The following SLC25A18 variants were observed in gnomAD, a reference collection of about 807,000 sequenced individuals.
SLC25A18 encodes the protein mitochondrial glutamate carrier 2.
In SLC25A18, 24 loss-of-function variants were observed where a neutral mutation model predicts 31.1. That is an observed-to-expected ratio of 0.77 (90% CI 0.56 to 1.08). The LOEUF is 1.08. SLC25A18 is among the 50% of genes least tolerant of loss of function. The probability of loss-of-function intolerance (pLI) is 0.00; values close to 1 mark genes in which losing one functional copy is unlikely to be tolerated. For synonymous variants in SLC25A18, 173 were observed against 161.9 expected (o/e 1.07, Z -0.52); for missense variants, 371 against 418.5 (o/e 0.89, Z 0.99).
At chr22:17,572,597 C>T (rs1014289035) in intron 2 of SLC25A18, among the ~76,000 whole-genome samples, 2 of 151,726 alleles carry the variant, frequency 1.3e-5, no homozygotes, top group Non-Finnish European at 2.9e-5. Context: ...CATTCATGAC[C>T]AGCCTTAGCA....
rs1426176295 is a variant in SLC25A18, at chr22:17,579,939, T to C, written c.-6T>C. 6.2e-7 allele frequency: 1 copy of C among 1,610,444 alleles called. No homozygotes were observed. ...CTTGTGTCCTGGGATCCCCAGCCCC[T>C]GCAGAATGACCCACCAGGATCTGAG... On this transcript the variant is annotated 5_prime_UTR_variant, in exon 3 of 11. Coordinates refer to ENST00000327451, the MANE Select transcript of SLC25A18 (RefSeq NM_031481.3).
At chr22:17,585,650 A>ATTTTTT (rs143835144) in intron 7 of SLC25A18, among the ~76,000 whole-genome samples, 3 of 137,222 alleles carry the variant, frequency 2.2e-5, no homozygotes, top group African/African-American at 8.4e-5. Context: ...TATTATTATT[A>ATTTTTT]TTTTTTTTTT....
chr22:17,580,074 G>A (rs1032424371), intron 3 of SLC25A18, 110 bp downstream of exon 3: 1 of 1,037,924 alleles, frequency 9.6e-7, no homozygotes, highest in South Asian at 1.4e-5. Flanking sequence ...CTAGGGAAGA[G>A]CAAGACCCCT....
At chr22:17,579,198 C>A (rs1212686374) in intron 2 of SLC25A18, among the ~76,000 whole-genome samples, 1 of 152,062 alleles carries the variant, frequency 6.6e-6, no homozygotes, top group Admixed American at 6.6e-5. Context: ...CAAGCAATCT[C>A]CTACCTCAGC....
Position 17,587,738 on chromosome 22 carries a change from C to G in SLC25A18, c.576-187C>G, listed in dbSNP as rs190484938. 3,090 of 669,172 alleles carry G rather than the reference C, an allele frequency of 4.6e-3. 20 individuals carry two copies. Among genetic ancestry groups the G allele is most frequent in the Non-Finnish European group, 6.8e-3 (2,709 of 400,802 alleles). 41.5% of individuals were successfully genotyped at this position (669,172 alleles called of 1,614,324 possible). A position where few individuals can be genotyped will look rare whatever the true frequency, so the allele number is the denominator to read the frequency against. On this transcript the variant is annotated intron_variant, in intron 8 of 10. Transcript: ENST00000327451. Reference sequence around the variant, plus strand: ...AGAGGAAGGAGCTGGGACGGCGGAACAGATGGCAACAGCTCTTTTGTCCCC... The same window carrying G: ...AGAGGAAGGAGCTGGGACGGCGGAAGAGATGGCAACAGCTCTTTTGTCCCC...
At chr22:17,576,548 G>T (rs988617831) in intron 2 of SLC25A18, among the ~76,000 whole-genome samples, 1 of 152,098 alleles carries the variant, frequency 6.6e-6, no homozygotes, top group African/African-American at 2.4e-5. Context: ...GTTGCCTTGG[G>T]GGGCAGTTAT....
At chr22:17,586,985 A>T in intron 7 of SLC25A18, 151 bp from the exon 8 acceptor site, 1 of 894,164 alleles carries the variant, frequency 1.1e-6, no homozygotes, top group Non-Finnish European at 1.7e-6. Flanking sequence ...AAAAATTAAC[A>T]TTCTAAAATT....
intron 2 of SLC25A18, among the ~76,000 whole-genome samples, chr22:17,574,032 CCAGTCTGGG>C (rs1339974584): frequency 2.6e-5 from 4 of 152,198 alleles, no homozygotes; most frequent in Non-Finnish European, 5.9e-5. Flanking sequence ...GAGTTCAAGA[CCAGTCTGGG>C]CAACATGGCA....
At chr22:17,577,727 C>T (rs2057268555) in intron 2 of SLC25A18, among the ~76,000 whole-genome samples, 1 of 149,824 alleles carries the variant, frequency 6.7e-6, no homozygotes, top group African/African-American at 2.5e-5. Flanking sequence ...ACTACATGCG[C>T]ACACCACCAT....
chr22:17,581,179 C>T lies in SLC25A18; in HGVS notation c.143+20C>T, dbSNP rs750150655. 2.0e-5 allele frequency: 31 copies of T among 1,581,968 alleles called. No individual in the cohort carries two copies. The highest frequency in any genetic ancestry group is 1.2e-4 in the Admixed American group (7 of 56,568). ...AGGAATGTAGGTGCTGGCAGGCGAGCGTGGAGGGCAGAGGCGCCCGGGGGA... is the reference window on the plus strand; with the variant it reads ...AGGAATGTAGGTGCTGGCAGGCGAGTGTGGAGGGCAGAGGCGCCCGGGGGA... On this transcript the variant is annotated intron_variant, in intron 4 of 10. Transcript: ENST00000327451.
intron 2 of SLC25A18, among the ~76,000 whole-genome samples, chr22:17,577,403 C>A (rs531155520): frequency 1.8e-4 from 27 of 152,014 alleles, no homozygotes; most frequent in Admixed American, 6.6e-4. Flanking sequence ...GGTGATCCGC[C>A]CGCCTCAGCC....
chr22:17,574,522 T>TTC (rs1555946929), intron 2 of SLC25A18, among the ~76,000 whole-genome samples: 4 of 133,092 alleles, frequency 3.0e-5, no homozygotes, highest in African/African-American at 1.2e-4. Flanking sequence ...TTTTTTTTTT[T>TTC]ATTTTTTTTT....
intron 3 of SLC25A18, chr22:17,580,729 G>T (rs1012645498): frequency 2.7e-6 from 3 of 1,131,036 alleles, no homozygotes; most frequent in Admixed American, 4.7e-5. Context: ...CAGAGGACGG[G>T]CCGGGGAAGC....
chr22:17,580,846 T>C, intron 3 of SLC25A18, 191 bp from the exon 4 acceptor site: 1 of 1,318,086 alleles, frequency 7.6e-7, no homozygotes, highest in Non-Finnish European at 9.6e-7. Flanking sequence ...TGCAGCAAGA[T>C]GCCTCACCCG....
rs1049427326 is a variant in SLC25A18, at chr22:17,563,686, C to T, written c.-291C>T. The T allele has an allele frequency of 4.1e-6, 4 of 985,218 alleles. No individual in the cohort carries two copies. Among genetic ancestry groups the T allele is most frequent in the African/African-American group, 1.7e-5 (1 of 57,198 alleles). 61.0% of individuals were successfully genotyped at this position (985,218 alleles called of 1,614,324 possible). A position where few individuals can be genotyped will look rare whatever the true frequency, so the allele number is the denominator to read the frequency against. On this transcript the variant is annotated 5_prime_UTR_variant, in exon 1 of 11. It adds an upstream start codon to the 5' untranslated region. Transcript: ENST00000327451. Reference sequence around the variant, plus strand: ...TGAGTGCCTCAACAACTGAGATGAACGTCGACTCGCTTGCAGGCAAGTTGT... The same window carrying T: ...TGAGTGCCTCAACAACTGAGATGAATGTCGACTCGCTTGCAGGCAAGTTGT...
chr22:17,576,154 C>A (rs371796401), intron 2 of SLC25A18, among the ~76,000 whole-genome samples: 3 of 152,026 alleles, frequency 2.0e-5, no homozygotes, highest in Non-Finnish European at 4.4e-5. Context: ...GAGATGGAGA[C>A]CATCTTGGCC....
At chr22:17,567,904 TGCTA>T (rs2056978254) in intron 1 of SLC25A18, among the ~76,000 whole-genome samples, 2 of 151,968 alleles carry the variant, frequency 1.3e-5, no homozygotes, top group African/African-American at 4.8e-5. Flanking sequence ...AGGGTACACT[TGCTA>T]GCAGTTTTGT....
Position 17,574,809 on chromosome 22 carries a change from C to CT in SLC25A18, c.-201+4824dup, listed in dbSNP as rs1234785068. ...ATGCTGGTATCACAGGCGTGAGCCA[C>CT]TGTGCCTGGCCAATGTTCCCTTTAT... On this transcript the variant is annotated intron_variant, in intron 2 of 10. Transcript: ENST00000327451. Among the ~76,000 whole-genome samples the CT allele has an allele frequency of 3.2e-4, 37 of 116,654 alleles. 3 individuals are homozygous for CT. Among genetic ancestry groups the CT allele is most frequent in the African/African-American group, 1.1e-3 (32 of 30,330 alleles). The allele number at this position is 116,654 out of a possible 152,430, so 76.5% of individuals were successfully genotyped here. A position where few individuals can be genotyped will look rare whatever the true frequency, so the allele number is the denominator to read the frequency against.
At chr22:17,589,796 C>A in intron 10 of SLC25A18, 131 bp downstream of exon 10, 1 of 866,250 alleles carries the variant, frequency 1.2e-6, no homozygotes. Flanking sequence ...TTTCCCTCAC[C>A]TCTCAAAGAA....
Sources: gnomAD v4.1 joint callset for allele counts (sites outside exome capture counted in the v4.1 genomes callset) on GRCh38, gnomAD v4.1.1 for gene constraint, MANE v1.5 for transcripts, NCBI Gene and HGNC (gene_info 2026-07-23, HGNC 2026-07-21) for gene names.